Variants in CASK observed in about 807,000 individuals in gnomAD.
CASK encodes calcium/calmodulin dependent serine protein kinase.
Under a neutral mutation model 82.9 loss-of-function variants are expected in CASK, and 4 were observed. The ratio of observed to expected loss-of-function variants is 0.05; its 90% confidence interval spans 0.02 to 0.11. The LOEUF (loss-of-function observed/expected upper bound fraction) is 0.11, where lower values mean the gene tolerates loss of function less well. CASK is among the 10% of genes least tolerant of loss of function. The pLI, the probability that CASK is intolerant of heterozygous loss-of-function variation, is 1.00. For missense variants in CASK, 358 were observed against 720.9 expected (o/e 0.50, Z 5.76); for synonymous variants, 259 against 253.5 (o/e 1.02, Z -0.20).
At chrX:41,570,010 C>CTTTTTTTTTTTTTTTTTTTTTTTT (rs397937722) in intron 15 of CASK, among the ~76,000 whole-genome samples, 18 of 70,628 alleles carry the variant, frequency 2.5e-4, no homozygotes, top group Non-Finnish European at 3.7e-4. Context: ...TTTCTTTTTT[C>CTTTTTTTTTTTTTTTTTTTTTTTT]TTTTTTTTTT....
chrX:41,545,796 T>C (rs1345257832), intron 21 of CASK, among the ~76,000 whole-genome samples: 2 of 110,716 alleles, frequency 1.8e-5, no homozygotes, highest in Admixed American at 9.6e-5. Flanking sequence ...TTTACTTATA[T>C]CTTTTTAAAT....
rs150470501 is a variant in CASK at position 41,872,535 on chromosome X, A to G, written c.60-19308T>C. On this transcript the variant is annotated intron_variant, in intron 1 of 26. Transcript: ENST00000378163. The stretch of plus-strand genomic sequence containing the variant: ...TCACCTCTTATGATGCTGTTCTTTT[A>G]AAAGAATAAACTTTATTTTTCAGAA... Among the ~76,000 whole-genome samples the G allele has an allele frequency of 2.7e-4, 30 of 112,162 alleles. No individual in the cohort carries two copies. The East Asian group carries it at 7.2e-3, about 27-fold the overall frequency.
At chrX:41,735,599 C>A (rs754624573) in intron 5 of CASK, among the ~76,000 whole-genome samples, 1 of 108,023 alleles carries the variant, frequency 9.3e-6, no homozygotes, top group Admixed American at 1.0e-4. Flanking sequence ...TCCACTGCTA[C>A]TACTCTGGTC....
At chrX:41,639,938 T>C (rs184664256) in intron 8 of CASK, among the ~76,000 whole-genome samples, 28 of 112,240 alleles carry the variant, frequency 2.5e-4, no homozygotes, top group African/African-American at 8.7e-4. Flanking sequence ...CTGAGTGGTA[T>C]TCCATTGTAT....
rs772415232 is a variant in CASK at position 41,637,749 on chromosome X, T to A, written c.832-1088A>T. The stretch of plus-strand genomic sequence containing the variant: ...GCCTCGACCTCCCTGGCTCAGGCAA[T>A]CCTCCCACCTCAGCCTCCTGAGTAG... On this transcript the variant is annotated intron_variant, in intron 8 of 26. Transcript: ENST00000378163. Among the ~76,000 whole-genome samples, 247 of 110,576 alleles carry A rather than the reference T, an allele frequency of 2.2e-3. 3 individuals are homozygous for A. The highest frequency in any genetic ancestry group is 4.3e-3 in the Non-Finnish European group (226 of 52,696).
chrX:41,749,619 T>C (rs1029833646), intron 3 of CASK, among the ~76,000 whole-genome samples: 2 of 108,450 alleles, frequency 1.8e-5, no homozygotes, highest in Non-Finnish European at 3.8e-5. Flanking sequence ...ACTCCTGACC[T>C]CAAGTGATCT....
At chrX:41,595,487 C>T (rs2065807699) in intron 12 of CASK, among the ~76,000 whole-genome samples, 1 of 111,521 alleles carries the variant, frequency 9.0e-6, no homozygotes, top group Admixed American at 9.5e-5. Context: ...TGCCTGTAGT[C>T]CCAGCTACTC....
At chrX:41,876,753 T>C (rs1413750377) in intron 1 of CASK, among the ~76,000 whole-genome samples, 3 of 112,396 alleles carry the variant, frequency 2.7e-5, no homozygotes, top group Non-Finnish European at 5.6e-5. Context: ...GATTCCTTTC[T>C]GCTGAAAGAC....
intron 2 of CASK, among the ~76,000 whole-genome samples, chrX:41,851,046 T>C (rs2071255571): frequency 9.0e-6 from 1 of 111,601 alleles, no homozygotes; most frequent in South Asian, 3.8e-4. Flanking sequence ...AAAAACTTAA[T>C]TCTGGTGCCA....
chrX:41,732,331 A>C (rs1357839778), intron 5 of CASK, among the ~76,000 whole-genome samples: 1 of 111,325 alleles, frequency 9.0e-6, no homozygotes, highest in Admixed American at 9.6e-5. Context: ...TAAACAACTT[A>C]ACAGGGAAGT....
intron 16 of CASK, among the ~76,000 whole-genome samples, chrX:41,569,237 A>G (rs2065367611): frequency 9.0e-6 from 1 of 111,575 alleles, no homozygotes; most frequent in African/African-American, 3.3e-5. Flanking sequence ...TTACTCTAGA[A>G]CAGATGTCTC....
intron 5 of CASK, among the ~76,000 whole-genome samples, chrX:41,711,415 G>A (rs760380164): frequency 1.8e-5 from 2 of 111,764 alleles, no homozygotes; most frequent in African/African-American, 6.5e-5. Context: ...GTGAGGTAGG[G>A]TTTGCTAGAA....
chrX:41,846,436 TG>T (rs1189683176), intron 2 of CASK, among the ~76,000 whole-genome samples: 1 of 5,049 alleles, frequency 2.0e-4, no homozygotes, highest in Admixed American at 2.8e-3. Flanking sequence ...AAAGGGTAGT[TG>T]GGGGGGCGGG....
At chrX:41,534,413 AC>A (rs2064847710) in intron 24 of CASK, among the ~76,000 whole-genome samples, 6 of 109,664 alleles carry the variant, frequency 5.5e-5, no homozygotes, top group African/African-American at 2.0e-4. Context: ...ACACACACAC[AC>A]ACACACACAC....
At chrX:41,819,961 T>C (rs972589166) in intron 2 of CASK, among the ~76,000 whole-genome samples, 6 of 112,068 alleles carry the variant, frequency 5.4e-5, no homozygotes, top group African/African-American at 1.9e-4. Context: ...CTGCAGACAA[T>C]ACCTAATGGT....
intron 2 of CASK, among the ~76,000 whole-genome samples, chrX:41,789,947 T>A (rs1353561463): frequency 9.0e-6 from 1 of 111,420 alleles, no homozygotes; most frequent in Non-Finnish European, 1.9e-5. Flanking sequence ...TTTCCTTTTT[T>A]GAGACAGAGT....
intron 26 of CASK, among the ~76,000 whole-genome samples, chrX:41,521,069 A>C (rs1412589608): frequency 8.9e-6 from 1 of 112,271 alleles, no homozygotes; most frequent in Non-Finnish European, 1.9e-5. Context: ...CTCCACACTC[A>C]CTGGAGCCAG....
At chrX:41,645,411 C>T (rs747173192) in intron 8 of CASK, among the ~76,000 whole-genome samples, 12 of 111,552 alleles carry the variant, frequency 1.1e-4, no homozygotes, top group African/African-American at 3.9e-4. Context: ...ACAATTATAA[C>T]ATGAGGAAGA....
chrX:41,552,181 C>T (rs1238833505), intron 21 of CASK, among the ~76,000 whole-genome samples: 2 of 109,144 alleles, frequency 1.8e-5, no homozygotes, highest in African/African-American at 6.7e-5. Flanking sequence ...AAGTGATCTG[C>T]CCACCTCGGC....
Sources: gnomAD v4.1 joint callset for allele counts (sites outside exome capture counted in the v4.1 genomes callset) on GRCh38, gnomAD v4.1.1 for gene constraint, MANE v1.5 for transcripts, NCBI Gene and HGNC (gene_info 2026-07-23, HGNC 2026-07-21) for gene names.